Variants in ANKIB1 observed in about 807,000 individuals in gnomAD.
The protein encoded by ANKIB1 is ankyrin repeat and IBR domain-containing protein 1.
ANKIB1 carries 43 observed loss-of-function variants against 122.1 expected under a neutral mutation model. That is an observed-to-expected ratio of 0.35 (90% confidence interval 0.28 to 0.45). The LOEUF (loss-of-function observed/expected upper bound fraction) is 0.45, where lower values mean the gene tolerates loss of function less well. ANKIB1 is among the 20% of genes least tolerant of loss of function. ANKIB1 has a pLI of 1.00. For synonymous variants in ANKIB1, 390 were observed against 442.0 expected, an observed-to-expected ratio of 0.88 and a Z score of 1.48; for missense variants, 992 against 1,329.5, an observed-to-expected ratio of 0.75 and a Z score of 3.95.
In ANKIB1 at chr7:92,262,726, A is replaced by G. The variant is rs191089148; in HGVS notation, c.-91+16207A>G. ...TTTCTTCTTTATACTTTTCCATATA[A>G]TTCCCAGTTTAGATAACTATCTATA... On this transcript the variant is annotated intron_variant, in intron 1 of 19. Transcript: ENST00000265742. Among the ~76,000 whole-genome samples the G allele has an allele frequency of 1.7e-4, 26 of 152,238 alleles. No homozygotes were observed. In the East Asian group the frequency reaches 5.0e-3, roughly 29 times the overall value.
intron 8 of ANKIB1, 94 bp from the exon 9 acceptor site, chr7:92,352,382 T>C: frequency 7.7e-7 from 1 of 1,297,970 alleles, no homozygotes; most frequent in Non-Finnish European, 1.1e-6. Context: ...TTTTCTTTCT[T>C]TGCTTTATAG....
At chr7:92,393,332 ATTG>A (rs1585142050) in intron 17 of ANKIB1, among the ~76,000 whole-genome samples, 1 of 152,208 alleles carries the variant, frequency 6.6e-6, no homozygotes, top group East Asian at 1.9e-4. Context: ...ATTCACTTAA[ATTG>A]TTTTAAAAAT....
intron 11 of ANKIB1, among the ~76,000 whole-genome samples, chr7:92,372,291 A>G (rs988119929): frequency 4.6e-5 from 7 of 152,172 alleles, no homozygotes; most frequent in Admixed American, 2.6e-4. Context: ...CAGTATAACA[A>G]CTATTTACAT....
intron 18 of ANKIB1, among the ~76,000 whole-genome samples, chr7:92,397,370 C>T (rs1490287917): frequency 6.6e-6 from 1 of 151,782 alleles, no homozygotes; most frequent in African/African-American, 2.4e-5. Context: ...TCTGTAGTCC[C>T]AACCACTCGA....
intron 10 of ANKIB1, among the ~76,000 whole-genome samples, chr7:92,364,549 A>G (rs1208731689): frequency 6.6e-6 from 1 of 152,100 alleles, no homozygotes; most frequent in Non-Finnish European, 1.5e-5. Flanking sequence ...AGAAATATTT[A>G]TATTTCTGTT....
In ANKIB1 at chr7:92,246,398, G is replaced by A. The variant is rs776852316; in HGVS notation, c.-212G>A. 4 of 501,396 alleles carry A rather than the reference G, an allele frequency of 8.0e-6. No individual in the cohort carries two copies. Among genetic ancestry groups the A allele is most frequent in the African/African-American group, 1.9e-5 (1 of 51,622 alleles). The allele number at this position is 501,396 out of a possible 1,614,324, so 31.1% of individuals were successfully genotyped here. On this transcript the variant is annotated 5_prime_UTR_variant, in exon 1 of 20. Coordinates refer to ENST00000265742, the MANE Select transcript of ANKIB1 (RefSeq NM_019004.2). ...GCCGGCGAGGAAGGGGCAACCGTCC[G>A]GGTGGGTGGGGCGGGCTGGGTACCT...
intron 1 of ANKIB1, among the ~76,000 whole-genome samples, chr7:92,253,241 G>C (rs1040637281): frequency 1.3e-5 from 2 of 152,146 alleles, no homozygotes; most frequent in Non-Finnish European, 2.9e-5. Context: ...CTTTGCATTA[G>C]CCTGAATATA....
intron 1 of ANKIB1, among the ~76,000 whole-genome samples, chr7:92,246,902 G>A (rs1801093079): frequency 6.6e-6 from 1 of 152,208 alleles, no homozygotes; most frequent in South Asian, 2.1e-4. Context: ...CTTGAGAAGC[G>A]GATGGGTAAA....
rs1453251978 is a variant in ANKIB1 at position 92,307,308 on chromosome 7, T to G, written c.189-51T>G. The stretch of plus-strand genomic sequence containing the variant: ...GTGTTATCTTCAATGTATTTCAAGG[T>G]AGAAAATAAGTGATTTTCATCCTTT... On this transcript the variant is annotated intron_variant, in intron 2 of 19. Coordinates refer to ENST00000265742, the MANE Select transcript of ANKIB1 (RefSeq NM_019004.2). The G allele has an allele frequency of 4.0e-6, 6 of 1,499,236 alleles. No homozygotes were observed. In the African/African-American group the frequency reaches 7.0e-5, roughly 17 times the overall value. 92.9% of individuals were successfully genotyped at this position (1,499,236 alleles called of 1,614,324 possible). A position where few individuals can be genotyped will look rare whatever the true frequency, so the allele number is the denominator to read the frequency against.
chr7:92,260,062 A>G (rs577932169), intron 1 of ANKIB1, among the ~76,000 whole-genome samples: 13 of 152,280 alleles, frequency 8.5e-5, no homozygotes, highest in African/African-American at 3.1e-4. Flanking sequence ...CAGCTAGGCT[A>G]GTCCTGTTAA....
chr7:92,354,355 A>G (rs932407072), intron 9 of ANKIB1, among the ~76,000 whole-genome samples: 1 of 152,296 alleles, frequency 6.6e-6, no homozygotes, highest in East Asian at 1.9e-4. Context: ...CACGGGCCCT[A>G]CTTTGAGTTT....
At chr7:92,395,175 G>A (rs145953410) in intron 17 of ANKIB1, among the ~76,000 whole-genome samples, 13 of 152,120 alleles carry the variant, frequency 8.5e-5, no homozygotes, top group Admixed American at 3.3e-4. Flanking sequence ...AGGTAATAGC[G>A]ATGGTCCCAG....
intron 4 of ANKIB1, among the ~76,000 whole-genome samples, chr7:92,324,356 C>T (rs2131954367): frequency 6.6e-6 from 1 of 152,322 alleles, no homozygotes; most frequent in East Asian, 1.9e-4. Flanking sequence ...GCCTGAGCCT[C>T]CCAAGTAGCT....
At chr7:92,299,706 A>T (rs988571770) in intron 2 of ANKIB1, among the ~76,000 whole-genome samples, 10 of 152,222 alleles carry the variant, frequency 6.6e-5, no homozygotes, top group African/African-American at 2.2e-4. Context: ...TTAATTTTTT[A>T]AAATGTAGTT....
chr7:92,291,163 G>T (rs1037230978), intron 1 of ANKIB1, among the ~76,000 whole-genome samples: 1 of 152,056 alleles, frequency 6.6e-6, no homozygotes, highest in African/African-American at 2.4e-5. Flanking sequence ...TTGTGGTGGC[G>T]TATGCCTGTA....
chr7:92,342,951 T>C, intron 5 of ANKIB1, 73 bp from the exon 6 acceptor site: 1 of 1,377,556 alleles, frequency 7.3e-7, no homozygotes. Context: ...TCTCATATTT[T>C]TGTTATTATA....
intron 8 of ANKIB1, 79 bp downstream of exon 8, chr7:92,351,173 T>C: frequency 8.1e-7 from 1 of 1,235,512 alleles, no homozygotes; most frequent in Admixed American, 3.7e-5. Flanking sequence ...TTTTTTCTTT[T>C]TGTTTTATTT....
Position 92,384,902 on chromosome 7 carries a change from A to G in ANKIB1, c.1618-1607A>G, listed in dbSNP as rs1026294073. Among the ~76,000 whole-genome samples, 13 of 152,220 alleles carry G rather than the reference A, an allele frequency of 8.5e-5. 1 individual carries two copies. Among genetic ancestry groups the G allele is most frequent in the Non-Finnish European group, 2.9e-5 (2 of 68,034 alleles). ...TAGAAACATGGGATCTGATTAAACT[A>G]AAGAGTTTCTGCATAGCAAAAGAAA... On this transcript the variant is annotated intron_variant, in intron 11 of 19. Transcript: ENST00000265742.
chr7:92,259,712 A>G (rs900846316), intron 1 of ANKIB1, among the ~76,000 whole-genome samples: 5 of 152,274 alleles, frequency 3.3e-5, no homozygotes, highest in Admixed American at 1.3e-4. Flanking sequence ...CTCAAATGTA[A>G]CTTGTTCAAA....
Sources: allele counts gnomAD v4.1 joint callset (sites outside exome capture counted in the v4.1 genomes callset), GRCh38; gene constraint gnomAD v4.1.1; transcripts MANE v1.5; gene names NCBI Gene and HGNC (gene_info 2026-07-23, HGNC 2026-07-21).